The following GREB1L variants were observed in gnomAD, a reference collection of about 807,000 sequenced individuals.
GREB1L encodes the protein GREB1 like retinoic acid receptor coactivator.
Under a neutral mutation model 200.8 loss-of-function variants are expected in GREB1L, and 17 were observed. The observed-to-expected ratio is 0.08, with a 90% CI of 0.06 to 0.13. GREB1L has a LOEUF of 0.13. Ranked by LOEUF, GREB1L falls within the 10% of genes least tolerant of loss-of-function variation. The probability of loss-of-function intolerance (pLI) is 1.00; values close to 1 mark genes in which losing one functional copy is unlikely to be tolerated. For missense variants in GREB1L, 1,657 were observed against 2,367.7 expected (o/e 0.70, Z 6.23); for synonymous variants, 789 against 893.0 (o/e 0.88, Z 2.08).
intron 1 of GREB1L, among the ~76,000 whole-genome samples, chr18:21,287,928 G>A (rs2038384127): frequency 6.6e-6 from 1 of 151,230 alleles, no homozygotes; most frequent in Non-Finnish European, 1.5e-5. Context: ...CCGGGTAGCT[G>A]GGATTACAGG....
At chr18:21,407,882 A>G (rs1471730452) in intron 7 of GREB1L, among the ~76,000 whole-genome samples, 4 of 152,174 alleles carry the variant, frequency 2.6e-5, no homozygotes, top group Non-Finnish European at 5.9e-5. Context: ...AACACACATC[A>G]CATGTTCTCA....
intron 1 of GREB1L, among the ~76,000 whole-genome samples, chr18:21,360,988 A>G (rs1033435457): frequency 3.3e-5 from 5 of 152,230 alleles, no homozygotes; most frequent in Admixed American, 2.0e-4. Flanking sequence ...CAAGGGTAGA[A>G]TAAATCAGTT....
intron 1 of GREB1L, among the ~76,000 whole-genome samples, chr18:21,309,558 G>C (rs2038758342): frequency 6.6e-6 from 1 of 152,192 alleles, no homozygotes; most frequent in African/African-American, 2.4e-5. Flanking sequence ...GGCCATGGGG[G>C]TAGCCAGAAG....
intron 14 of GREB1L, 67 bp from the exon 15 acceptor site, chr18:21,454,299 A>C: frequency 1.6e-5 from 16 of 1,020,104 alleles, no homozygotes; most frequent in Non-Finnish European, 2.4e-5. Context: ...GTGTCCTCAT[A>C]GAGATTCACA....
At chr18:21,262,307 C>T (rs1346814294) in intron 1 of GREB1L, among the ~76,000 whole-genome samples, 3 of 152,144 alleles carry the variant, frequency 2.0e-5, no homozygotes, top group African/African-American at 4.8e-5. Context: ...CTCCAACTTC[C>T]TTGCCATTCC....
chr18:21,518,342 C>T, intron 31 of GREB1L, 108 bp downstream of exon 31: 2 of 1,019,570 alleles, frequency 2.0e-6, no homozygotes, highest in Non-Finnish European at 2.8e-6. Flanking sequence ...AATCAAGATG[C>T]CAGTCTGGTC....
intron 1 of GREB1L, among the ~76,000 whole-genome samples, chr18:21,251,210 T>C (rs2037697863): frequency 1.3e-5 from 2 of 152,168 alleles, no homozygotes; most frequent in Non-Finnish European, 2.9e-5. Flanking sequence ...ATTTGAGGGC[T>C]GTCTTTTCCC....
intron 1 of GREB1L, among the ~76,000 whole-genome samples, chr18:21,260,436 C>T (rs2037870751): frequency 6.6e-6 from 1 of 151,820 alleles, no homozygotes; most frequent in Non-Finnish European, 1.5e-5. Context: ...GAACTTATTC[C>T]TTGTACAATA....
At chr18:21,244,403 G>A (rs1361963798) in intron 1 of GREB1L, among the ~76,000 whole-genome samples, 1 of 152,132 alleles carries the variant, frequency 6.6e-6, no homozygotes, top group African/African-American at 2.4e-5. Context: ...AAATACGAAG[G>A]CCGAGTTTCA....
intron 15 of GREB1L, among the ~76,000 whole-genome samples, chr18:21,459,576 C>A (rs1281679461): frequency 1.3e-5 from 2 of 151,972 alleles, no homozygotes; most frequent in East Asian, 3.9e-4. Context: ...AGTGAGCCAC[C>A]GCGCATGGCC....
At chr18:21,388,129 T>C (rs2040619800) in intron 4 of GREB1L, among the ~76,000 whole-genome samples, 1 of 152,172 alleles carries the variant, frequency 6.6e-6, no homozygotes, top group Non-Finnish European at 1.5e-5. Context: ...TGGAGTTGAT[T>C]TCTTCTGGAC....
chr18:21,517,727 G>C (rs2037468682), intron 30 of GREB1L, among the ~76,000 whole-genome samples: 1 of 152,110 alleles, frequency 6.6e-6, no homozygotes, highest in Non-Finnish European at 1.5e-5. Flanking sequence ...GATGAGATAG[G>C]ATTTAACCCA....
In GREB1L at chr18:21,505,965, C is replaced by T. The variant is rs865900986; in HGVS notation, c.4368+16C>T. 29 of 1,546,260 alleles carry T rather than the reference C, an allele frequency of 1.9e-5. No homozygotes were observed. In the African/African-American group the frequency reaches 2.9e-4, roughly 15 times the overall value. On this transcript the variant is annotated intron_variant, in intron 25 of 32. Coordinates refer to ENST00000424526, the MANE Select transcript of GREB1L (RefSeq NM_001142966.3). ...TGCCTCCCAGGTACCATCCCACCTT[C>T]GCCCTCGCCCTCTGTCACCCAGTAT...
At chr18:21,493,732 G>C (rs903802578) in intron 19 of GREB1L, among the ~76,000 whole-genome samples, 1 of 151,682 alleles carries the variant, frequency 6.6e-6, no homozygotes, top group Admixed American at 6.6e-5. Context: ...CAGGTGTGGT[G>C]GTGGGTGCCT....
chr18:21,440,544 C>G (rs1382668832), intron 9 of GREB1L, among the ~76,000 whole-genome samples, 156 bp downstream of exon 9: 1 of 152,202 alleles, frequency 6.6e-6, no homozygotes, highest in African/African-American at 2.4e-5. Context: ...TCCCTACATG[C>G]ACAAGATCAT....
chr18:21,405,047 G>A (rs1230245247), intron 7 of GREB1L, among the ~76,000 whole-genome samples: 1 of 152,186 alleles, frequency 6.6e-6, no homozygotes, highest in African/African-American at 2.4e-5. Context: ...ATGATAATAA[G>A]GCTAACTTTC....
chr18:21,346,418 C>T (rs1215329034), intron 1 of GREB1L, among the ~76,000 whole-genome samples: 1 of 151,780 alleles, frequency 6.6e-6, no homozygotes, highest in African/African-American at 2.4e-5. Context: ...CACTCATTCA[C>T]GGCTATCTTT....
intron 15 of GREB1L, among the ~76,000 whole-genome samples, chr18:21,466,261 ATAAGAGT>A (rs2035259679): frequency 1.3e-5 from 2 of 152,134 alleles, no homozygotes; most frequent in African/African-American, 4.8e-5. Flanking sequence ...TGGTACACAT[ATAAGAGT>A]TTCTCTGGGA....
At chr18:21,420,659 G>C (rs952798538) in intron 7 of GREB1L, among the ~76,000 whole-genome samples, 10 of 152,172 alleles carry the variant, frequency 6.6e-5, no homozygotes, top group Non-Finnish European at 1.5e-4. Context: ...TGAGGATGTA[G>C]AGGTGGTAGA....
Sources: allele counts gnomAD v4.1 joint callset (sites outside exome capture counted in the v4.1 genomes callset), GRCh38; gene constraint gnomAD v4.1.1; transcripts MANE v1.5; gene names NCBI Gene and HGNC (gene_info 2026-07-23, HGNC 2026-07-21).